ZC3H12B: variants seen among roughly 807,000 people sequenced by gnomAD.
ZC3H12B encodes the protein probable ribonuclease ZC3H12B.
ZC3H12B carries 7 observed loss-of-function variants against 43.9 expected under a neutral mutation model. The observed-to-expected ratio is 0.16, with a 90% CI of 0.09 to 0.30. ZC3H12B has a LOEUF of 0.30. Ranked by LOEUF, ZC3H12B falls within the 10% of genes least tolerant of loss-of-function variation. ZC3H12B has a pLI of 1.00. For missense variants in ZC3H12B, 475 were observed against 670.2 expected (o/e 0.71, Z 3.22); for synonymous variants, 222 against 241.7 (o/e 0.92, Z 0.76).
At chrX:65,053,935 A>G in the ZC3H12B span, among the ~76,000 whole-genome samples, 2 of 106,570 alleles carry the variant, frequency 1.9e-5, no homozygotes, top group Non-Finnish European at 3.9e-5. Context: ...CATATCCTTC[A>G]CCCACTTTTT....
At chrX:65,203,274 C>T in the ZC3H12B span, among the ~76,000 whole-genome samples, 1 of 111,874 alleles carries the variant, frequency 8.9e-6, no homozygotes, top group Non-Finnish European at 1.9e-5. Context: ...TTTACTTTTT[C>T]CTCTCCTTTT....
the ZC3H12B span, among the ~76,000 whole-genome samples, chrX:65,141,351 A>T: frequency 1.8e-5 from 2 of 109,805 alleles, no homozygotes; most frequent in East Asian, 5.6e-4. Context: ...AATTTAATTT[A>T]TAATAATTTA....
At chrX:65,317,768 C>T in the ZC3H12B span, among the ~76,000 whole-genome samples, 1 of 103,060 alleles carries the variant, frequency 9.7e-6, no homozygotes, top group East Asian at 3.0e-4. Flanking sequence ...TACACACACA[C>T]ACTATATATA....
the ZC3H12B span, among the ~76,000 whole-genome samples, chrX:65,289,882 A>T: frequency 9.0e-6 from 1 of 111,089 alleles, no homozygotes; most frequent in Non-Finnish European, 1.9e-5. Flanking sequence ...TAATACTATT[A>T]GAAGAAAACA....
chrX:65,207,109 A>G, the ZC3H12B span, among the ~76,000 whole-genome samples: 4 of 105,784 alleles, frequency 3.8e-5, no homozygotes, highest in Non-Finnish European at 7.6e-5. Flanking sequence ...GGATTCCTTC[A>G]AGAACTAAAA....
the ZC3H12B span, among the ~76,000 whole-genome samples, chrX:65,315,001 C>CA: frequency 2.7e-5 from 3 of 110,436 alleles, no homozygotes; most frequent in Non-Finnish European, 3.8e-5. Flanking sequence ...AGAGATATAG[C>CA]AAAAAATCTA....
At chrX:65,322,004 C>A in the ZC3H12B span, among the ~76,000 whole-genome samples, 1 of 111,060 alleles carries the variant, frequency 9.0e-6, no homozygotes, top group African/African-American at 3.3e-5. Flanking sequence ...TGCTATTTCC[C>A]TATATAACAA....
chrX:65,339,602 G>A, the ZC3H12B span, among the ~76,000 whole-genome samples: 107 of 111,830 alleles, frequency 9.6e-4, no homozygotes, highest in African/African-American at 3.3e-3. Flanking sequence ...AGCCCTAGGG[G>A]AAATGTCAGA....
At chrX:65,430,536 T>C (rs1381710639) in intron 3 of ZC3H12B, among the ~76,000 whole-genome samples, 3 of 81,572 alleles carry the variant, frequency 3.7e-5, no homozygotes, top group Admixed American at 1.6e-4. Context: ...ATGTTCCCCT[T>C]CCTGTGTCCA....
intron 2 of ZC3H12B, among the ~76,000 whole-genome samples, chrX:65,389,752 T>C (rs1347983993): frequency 8.9e-6 from 1 of 112,431 alleles, no homozygotes; most frequent in Non-Finnish European, 1.9e-5. Context: ...ACTGGAGCTG[T>C]TCCTATTCGG....
intron 2 of ZC3H12B, among the ~76,000 whole-genome samples, chrX:65,392,245 G>A (rs2066628370): frequency 1.8e-5 from 2 of 111,356 alleles, no homozygotes; most frequent in Non-Finnish European, 3.8e-5. Context: ...GATGTGAGGA[G>A]CCCCTCTGCC....
chrX:65,427,155 T>C (rs1459174934), intron 3 of ZC3H12B, among the ~76,000 whole-genome samples: 3 of 111,913 alleles, frequency 2.7e-5, no homozygotes, highest in African/African-American at 9.7e-5. Flanking sequence ...ATTGGGTGCA[T>C]ATATATTTAG....
chrX:65,146,010 G>C, the ZC3H12B span, among the ~76,000 whole-genome samples: 4 of 111,443 alleles, frequency 3.6e-5, no homozygotes, highest in East Asian at 1.1e-3. Context: ...TGTGCTTCTT[G>C]TATTTTGATG....
At chrX:65,305,433 A>C in the ZC3H12B span, among the ~76,000 whole-genome samples, 1 of 112,125 alleles carries the variant, frequency 8.9e-6, no homozygotes, top group African/African-American at 3.2e-5. Context: ...TGTTGGAATC[A>C]GACTCATTAA....
chrX:65,222,773 G>A, the ZC3H12B span, among the ~76,000 whole-genome samples: 1 of 110,347 alleles, frequency 9.1e-6, no homozygotes, highest in Admixed American at 9.7e-5. Context: ...CTCATGGATG[G>A]CTAGAATCAA....
At chrX:65,184,067 A>AT in the ZC3H12B span, among the ~76,000 whole-genome samples, 1 of 111,238 alleles carries the variant, frequency 9.0e-6, no homozygotes. Flanking sequence ...TCCTATTGAT[A>AT]TTATATATGT....
the ZC3H12B span, among the ~76,000 whole-genome samples, chrX:65,035,130 T>C: frequency 8.9e-6 from 1 of 112,298 alleles, no homozygotes; most frequent in Admixed American, 9.2e-5. Flanking sequence ...CCAGCTCCTC[T>C]CTGGCCCCGG....
the ZC3H12B span, among the ~76,000 whole-genome samples, chrX:65,175,761 G>A: frequency 8.9e-5 from 10 of 112,146 alleles, no homozygotes; most frequent in African/African-American, 1.3e-4. Context: ...ACGGTGGGGC[G>A]TTGCCTCACC....
chrX:65,348,589 C>T, the ZC3H12B span, among the ~76,000 whole-genome samples: 10 of 110,047 alleles, frequency 9.1e-5, no homozygotes, highest in African/African-American at 3.3e-4. Context: ...AGAGTCAAGA[C>T]CCATCAGTGT....
Sources: allele counts gnomAD v4.1 joint callset (sites outside exome capture counted in the v4.1 genomes callset), GRCh38; gene constraint gnomAD v4.1.1; transcripts MANE v1.5; gene names NCBI Gene and HGNC (gene_info 2026-07-23, HGNC 2026-07-21).